Variants in MEOX2 observed in about 807,000 individuals in gnomAD.
MEOX2 encodes homeobox protein MOX-2.
In MEOX2, 11 loss-of-function variants were observed where a neutral mutation model predicts 27.0. The ratio of observed to expected loss-of-function variants is 0.41; its 90% confidence interval spans 0.26 to 0.68. The LOEUF is 0.68. MEOX2 is among the 30% of genes least tolerant of loss of function. The pLI, the probability that MEOX2 is intolerant of heterozygous loss-of-function variation, is 0.33. For missense variants in MEOX2, 436 were observed against 385.4 expected, an observed-to-expected ratio of 1.13 and a Z score of -1.10; for synonymous variants, 189 against 155.4, an observed-to-expected ratio of 1.22 and a Z score of -1.61.
chr7:15,667,361 TGGAAACTCC>T lies in MEOX2; in HGVS notation c.517+18516_517+18524del, dbSNP rs1490857290. 2.7e-5 allele frequency among the ~76,000 whole-genome samples: 4 copies of T among 150,142 alleles called. No individual in the cohort carries two copies. The East Asian group carries it at 7.9e-4, about 30-fold the overall frequency. On this transcript the variant is annotated intron_variant, in intron 1 of 2. Transcript: ENST00000262041. ...GTTGAGGCAGCTGCCACCCTTTTCCTGGAAACTCCCTGGATTTCTCTGAATATTTGCATC... is the reference window on the plus strand; with the variant it reads ...GTTGAGGCAGCTGCCACCCTTTTCCTCTGGATTTCTCTGAATATTTGCATC...
intron 1 of MEOX2, among the ~76,000 whole-genome samples, chr7:15,665,909 G>A (rs574132491): frequency 7.2e-5 from 11 of 152,174 alleles, no homozygotes; most frequent in Non-Finnish European, 1.6e-4. Context: ...TCAATGGGAT[G>A]CTATTATTCC....
chr7:15,662,470 G>C (rs569452543), intron 1 of MEOX2, among the ~76,000 whole-genome samples: 9 of 151,992 alleles, frequency 5.9e-5, no homozygotes, highest in African/African-American at 2.2e-4. Flanking sequence ...AATGAGATTT[G>C]AACTGTCAGC....
chr7:15,686,163 ATGG>A lies in MEOX2; in HGVS notation c.237_239del (p.His80del). 1 of 1,519,970 alleles carries A rather than the reference ATGG, an allele frequency of 6.6e-7. No homozygotes were observed. Among genetic ancestry groups the A allele is most frequent in the Non-Finnish European group, 8.8e-7 (1 of 1,139,186 alleles). 94.2% of individuals were successfully genotyped at this position (1,519,970 alleles called of 1,614,324 possible). A position where few individuals can be genotyped will look rare whatever the true frequency, so the allele number is the denominator to read the frequency against. On this transcript the variant is annotated inframe_deletion, in exon 1 of 3. Transcript: ENST00000262041. ...GCAGAGCCTGGTGCTGCTGCTGCTG[ATGG>A]TGGTGATGGTGGTGGTGGTGGTGGT... is the stretch of plus-strand genomic sequence containing the variant.
chr7:15,612,029 G>A lies in MEOX2; in HGVS notation c.*358C>T, dbSNP rs1781041043. Reference sequence around the variant, plus strand: ...GAATGTTCAATGCAAGTTCATCCTCGGCATCTTCACTCTGGAGACATCTTG... The same window carrying A: ...GAATGTTCAATGCAAGTTCATCCTCAGCATCTTCACTCTGGAGACATCTTG... On this transcript the variant is annotated 3_prime_UTR_variant, in exon 3 of 3. Transcript: ENST00000262041. 3 of 250,156 alleles carry A rather than the reference G, an allele frequency of 1.2e-5. No homozygotes were observed. Among genetic ancestry groups the A allele is most frequent in the South Asian group, 1.3e-4 (2 of 15,910 alleles). The allele number at this position is 250,156 out of a possible 1,614,324, so 15.5% of individuals were successfully genotyped here.
At chr7:15,639,536 T>A (rs993746840) in intron 1 of MEOX2, among the ~76,000 whole-genome samples, 11 of 151,842 alleles carry the variant, frequency 7.2e-5, no homozygotes, top group Non-Finnish European at 1.6e-4. Flanking sequence ...GAGGTCTTAA[T>A]CTAAAGGCCA....
Position 15,612,423 on chromosome 7 carries a change from G to C in MEOX2, c.879C>G (p.His293Gln). Reference sequence around the variant, plus strand: ...CATGCTCTGAGCTGTGGTCACTGTCGTGACTGTCTTCATTTGCTATAGAGT... The same window carrying C: ...CATGCTCTGAGCTGTGGTCACTGTCCTGACTGTCTTCATTTGCTATAGAGT... Reference protein sequence around the residue: ...TGDSIANEDSHDSDHSSEHAH... With the variant: ...TGDSIANEDSQDSDHSSEHAH... Residue 293 changes from histidine to glutamine, a missense_variant, in exon 3 of 3, where the codon CAC (histidine) becomes CAG (glutamine). Coordinates refer to ENST00000262041, the MANE Select transcript of MEOX2 (RefSeq NM_005924.5). 3 of 1,614,078 alleles carry C rather than the reference G, an allele frequency of 1.9e-6. No homozygotes were observed. The highest frequency in any genetic ancestry group is 2.5e-6 in the Non-Finnish European group (3 of 1,179,984).
At chr7:15,638,142 C>T (rs1781512367) in intron 1 of MEOX2, among the ~76,000 whole-genome samples, 1 of 151,998 alleles carries the variant, frequency 6.6e-6, no homozygotes, top group Non-Finnish European at 1.5e-5. Flanking sequence ...GCTCTTTCCA[C>T]CCCTGTGTAT....
Position 15,627,030 on chromosome 7 carries a change from A to C in MEOX2, c.518-112T>G, listed in dbSNP as rs547309136. The C allele has an allele frequency of 3.0e-6, 3 of 1,013,562 alleles. No homozygotes were observed. In the South Asian group the frequency reaches 5.0e-5, roughly 17 times the overall value. 62.8% of individuals were successfully genotyped at this position (1,013,562 alleles called of 1,614,324 possible). ...TTTCCAGGTACTGCGCTAGACATGG[A>C]ACAAATAGAGACCAAAGACAGCAAG... On this transcript the variant is annotated intron_variant, in intron 1 of 2. Transcript: ENST00000262041.
At chr7:15,646,529 T>G (rs1481201709) in intron 1 of MEOX2, among the ~76,000 whole-genome samples, 3 of 152,160 alleles carry the variant, frequency 2.0e-5, no homozygotes, top group African/African-American at 7.2e-5. Flanking sequence ...ATTAAAACTC[T>G]GGGTTACTGA....
chr7:15,667,162 A>C (rs1377996275), intron 1 of MEOX2, among the ~76,000 whole-genome samples: 1 of 151,390 alleles, frequency 6.6e-6, no homozygotes, highest in African/African-American at 2.4e-5. Flanking sequence ...GTGGTGGCAC[A>C]CGCCTGTTGT....
chr7:15,639,867 C>G (rs1781533679), intron 1 of MEOX2, among the ~76,000 whole-genome samples: 2 of 152,020 alleles, frequency 1.3e-5, no homozygotes. Flanking sequence ...CTAAAGCCTT[C>G]TAGTACCCTT....
intron 1 of MEOX2, among the ~76,000 whole-genome samples, chr7:15,645,383 T>C (rs1781625121): frequency 6.6e-6 from 1 of 152,136 alleles, no homozygotes; most frequent in African/African-American, 2.4e-5. Context: ...ATCTAAAGCA[T>C]TGAGAAAAGA....
chr7:15,673,251 A>C (rs1231535149), intron 1 of MEOX2, among the ~76,000 whole-genome samples: 1 of 152,200 alleles, frequency 6.6e-6, no homozygotes, highest in Admixed American at 6.5e-5. Context: ...CTAGGCCACA[A>C]GGGGAAATGT....
chr7:15,640,668 T>C (rs1047456197), intron 1 of MEOX2, among the ~76,000 whole-genome samples: 2 of 152,196 alleles, frequency 1.3e-5, no homozygotes, highest in African/African-American at 4.8e-5. Context: ...GGGTTTGTCA[T>C]ACATGGCTCT....
rs1781542722 is a variant in MEOX2 at position 15,640,511 on chromosome 7, C to T, written c.518-13593G>A. Among the ~76,000 whole-genome samples the T allele has an allele frequency of 4.6e-5, 7 of 152,080 alleles. No individual in the cohort carries two copies. In the South Asian group the frequency reaches 1.5e-3, roughly 32 times the overall value. On this transcript the variant is annotated intron_variant, in intron 1 of 2. Coordinates refer to ENST00000262041, the MANE Select transcript of MEOX2 (RefSeq NM_005924.5). Reference sequence around the variant, plus strand: ...GACTTCCTTGTTTCAAATTTGAATGCCTTTTGTTTCTTTCGCTTGCCCTGC... The same window carrying T: ...GACTTCCTTGTTTCAAATTTGAATGTCTTTTGTTTCTTTCGCTTGCCCTGC...
At chr7:15,674,370 G>C (rs1782157717) in intron 1 of MEOX2, among the ~76,000 whole-genome samples, 1 of 152,064 alleles carries the variant, frequency 6.6e-6, no homozygotes, top group Non-Finnish European at 1.5e-5. Context: ...CAAGAGACCT[G>C]AAAGTAGGCA....
chr7:15,671,909 C>G (rs1015439122), intron 1 of MEOX2, among the ~76,000 whole-genome samples: 35 of 151,246 alleles, frequency 2.3e-4, no homozygotes, highest in African/African-American at 7.5e-4. Flanking sequence ...ATTAATAATA[C>G]TAATCTCTAC....
chr7:15,684,559 G>A (rs958138848), intron 1 of MEOX2, among the ~76,000 whole-genome samples: 2 of 152,268 alleles, frequency 1.3e-5, no homozygotes, highest in African/African-American at 4.8e-5. Flanking sequence ...TAGTAACGCT[G>A]AAGAACAATT....
chr7:15,619,221 A>G (rs1332054997), intron 2 of MEOX2, among the ~76,000 whole-genome samples: 1 of 152,060 alleles, frequency 6.6e-6, no homozygotes, highest in Non-Finnish European at 1.5e-5. Flanking sequence ...ATCTAGAAGC[A>G]TCTCAGTTTT....
Sources: gnomAD v4.1 joint callset for allele counts (sites outside exome capture counted in the v4.1 genomes callset) on GRCh38, gnomAD v4.1.1 for gene constraint, MANE v1.5 for transcripts, NCBI Gene and HGNC (gene_info 2026-07-23, HGNC 2026-07-21) for gene names.